Variants in DTL observed in about 807,000 individuals in gnomAD.
DTL encodes denticleless protein homolog.
DTL carries 46 observed loss-of-function variants against 87.0 expected under a neutral mutation model. The ratio of observed to expected loss-of-function variants is 0.53; its 90% CI spans 0.42 to 0.68. DTL has a LOEUF of 0.68. Among genes scored for constraint, DTL ranks in the 30% least tolerant of loss-of-function variants. DTL has a pLI of 0.00. For synonymous variants in DTL, 308 were observed against 311.2 expected, an observed-to-expected ratio of 0.99 and a Z score of 0.11; for missense variants, 737 against 869.4, an observed-to-expected ratio of 0.85 and a Z score of 1.91.
intron 10 of DTL, among the ~76,000 whole-genome samples, chr1:212,070,888 C>T (rs1320173328): frequency 6.6e-6 from 1 of 152,142 alleles, no homozygotes; most frequent in Non-Finnish European, 1.5e-5. Flanking sequence ...TCATACCAGC[C>T]TTTCTTAGAC....
At chr1:212,063,199 C>T (rs1429793488) in intron 6 of DTL, among the ~76,000 whole-genome samples, 3 of 152,064 alleles carry the variant, frequency 2.0e-5, no homozygotes. Context: ...ATGCCATTTA[C>T]CCACATTATT....
In DTL at chr1:212,080,650, C is replaced by T. The variant is rs369646477; in HGVS notation, c.1161C>T (p.Ile387=). The T allele has an allele frequency of 3.2e-5, 51 of 1,613,540 alleles. No individual in the cohort carries two copies. Among genetic ancestry groups the T allele is most frequent in the South Asian group, 7.7e-5 (7 of 91,056 alleles). Residue 387 remains isoleucine (I), a synonymous_variant, in exon 13 of 15, where the codon ATC becomes ATT. Coordinates refer to ENST00000366991, the MANE Select transcript of DTL (RefSeq NM_016448.4). ...GTTCTGATGACAATACACTAAAAATCTGGCGCTTGAATAGAGGCTTAGAGG... is the reference window on the plus strand; with the variant it reads ...GTTCTGATGACAATACACTAAAAATTTGGCGCTTGAATAGAGGCTTAGAGG... ...ATCSDDNTLK[I]WRLNRGLEEK...
chr1:212,091,498 C>G (rs1301833294), intron 13 of DTL, among the ~76,000 whole-genome samples: 2 of 152,156 alleles, frequency 1.3e-5, no homozygotes, highest in African/African-American at 4.8e-5. Flanking sequence ...TACCTGCACT[C>G]CAATGTTCAC....
At chr1:212,052,645 A>G (rs75441662) in intron 5 of DTL, among the ~76,000 whole-genome samples, 5 of 145,914 alleles carry the variant, frequency 3.4e-5, no homozygotes, top group East Asian at 4.0e-4. Flanking sequence ...CTCTGCCTCA[A>G]AAAAAAAAAA....
chr1:212,074,828 G>T (rs1309438081), intron 11 of DTL, among the ~76,000 whole-genome samples: 1 of 152,142 alleles, frequency 6.6e-6, no homozygotes, highest in Non-Finnish European at 1.5e-5. Context: ...AGGGAGTTTT[G>T]TATCTTAAGA....
intron 6 of DTL, 119 bp from the exon 7 acceptor site, chr1:212,064,798 G>A (rs992585573): frequency 2.7e-6 from 2 of 745,056 alleles, no homozygotes; most frequent in African/African-American, 1.8e-5. Context: ...AGCTGGCTCT[G>A]CTGGCTTCTA....
chr1:212,064,316 A>T (rs1654427397), intron 6 of DTL, among the ~76,000 whole-genome samples: 1 of 152,104 alleles, frequency 6.6e-6, no homozygotes, highest in Non-Finnish European at 1.5e-5. Context: ...CACTGACAAC[A>T]TCCTGTGCCT....
intron 5 of DTL, chr1:212,051,439 ATTCTTTTTTTTTTT>A (rs1667970660): frequency 3.5e-6 from 1 of 289,766 alleles, no homozygotes; most frequent in Non-Finnish European, 5.7e-6. Flanking sequence ...TGGATATGAA[ATTCTTTTTTTTTTT>A]TTTTTTTTTT....
intron 13 of DTL, 54 bp from the exon 14 acceptor site, chr1:212,100,198 G>A: frequency 7.3e-7 from 1 of 1,372,184 alleles, no homozygotes. Flanking sequence ...TGAGAATTTA[G>A]GGACTTTGTA....
intron 13 of DTL, among the ~76,000 whole-genome samples, chr1:212,084,956 C>T (rs566030982): frequency 1.3e-5 from 2 of 152,280 alleles, no homozygotes; most frequent in South Asian, 2.1e-4. Context: ...TGCCTATAAC[C>T]TATGTACATT....
intron 11 of DTL, among the ~76,000 whole-genome samples, chr1:212,073,531 T>C (rs1336226100): frequency 6.6e-6 from 1 of 152,172 alleles, no homozygotes; most frequent in Non-Finnish European, 1.5e-5. Context: ...ACCTGTTTAG[T>C]ATGAAGCATA....
intron 8 of DTL, among the ~76,000 whole-genome samples, 189 bp from the exon 9 acceptor site, chr1:212,068,035 A>G (rs1185532993): frequency 6.6e-6 from 1 of 152,206 alleles, no homozygotes; most frequent in African/African-American, 2.4e-5. Flanking sequence ...CCGTTCTGTC[A>G]GAATTATAAG....
chr1:212,053,397 ACC>A (rs1249512502), intron 5 of DTL, among the ~76,000 whole-genome samples: 1 of 151,498 alleles, frequency 6.6e-6, no homozygotes, highest in African/African-American at 2.4e-5. Flanking sequence ...ATGGGGTTTC[ACC>A]CATGGTTGGT....
At chr1:212,045,206 T>C (rs1054081705) in intron 3 of DTL, among the ~76,000 whole-genome samples, 11 of 152,102 alleles carry the variant, frequency 7.2e-5, no homozygotes, top group Non-Finnish European at 1.6e-4. Flanking sequence ...AATTATAACA[T>C]GAGATTTGGG....
At chr1:212,091,209 C>T (rs1226693066) in intron 13 of DTL, among the ~76,000 whole-genome samples, 2 of 152,196 alleles carry the variant, frequency 1.3e-5, no homozygotes, top group African/African-American at 2.4e-5. Flanking sequence ...AACTGCTCAG[C>T]ATCACCAATC....
intron 3 of DTL, 126 bp from the exon 4 acceptor site, chr1:212,047,025 C>A: frequency 1.3e-6 from 1 of 793,044 alleles, no homozygotes; most frequent in Non-Finnish European, 2.0e-6. Flanking sequence ...TTTTGATTTG[C>A]ATTTCTCTAA....
Position 212,091,311 on chromosome 1 carries a change from G to A in DTL, c.1262-8941G>A, listed in dbSNP as rs145562083. On this transcript the variant is annotated intron_variant, in intron 13 of 14. Transcript: ENST00000366991. ...AAAAAGACAAAATGTAACAAGTATT[G>A]GTAAGGATGTGGAGAAAAGGGAACC... 5.2e-3 allele frequency among the ~76,000 whole-genome samples: 792 copies of A among 152,200 alleles called. 10 individuals are homozygous for A. The highest frequency in any genetic ancestry group is 0.018 in the African/African-American group (767 of 41,520).
chr1:212,064,321 G>A (rs4951437), intron 6 of DTL, among the ~76,000 whole-genome samples: 145,480 of 152,264 alleles, frequency 0.96, 69,541 homozygotes, highest in East Asian at 1. Context: ...ACAACATCCT[G>A]TGCCTGAGTG....
chr1:212,056,448 C>A (rs1204333163), intron 5 of DTL, among the ~76,000 whole-genome samples: 1 of 152,160 alleles, frequency 6.6e-6, no homozygotes, highest in Non-Finnish European at 1.5e-5. Flanking sequence ...GAACCAAAGC[C>A]AAGTGTCCTC....
Sources: allele counts gnomAD v4.1 joint callset (sites outside exome capture counted in the v4.1 genomes callset), GRCh38; gene constraint gnomAD v4.1.1; transcripts MANE v1.5; gene names NCBI Gene and HGNC (gene_info 2026-07-23, HGNC 2026-07-21).